PLRG1: variants seen among roughly 807,000 people sequenced by gnomAD.
PLRG1 encodes pleiotropic regulator 1 (PRL1 homolog, Arabidopsis).
Under a neutral mutation model 74.9 loss-of-function variants are expected in PLRG1, and 28 were observed. The observed-to-expected ratio is 0.37, with a 90% confidence interval of 0.28 to 0.51. The LOEUF (loss-of-function observed/expected upper bound fraction) is 0.51. Among genes scored for constraint, PLRG1 ranks in the 20% least tolerant of loss-of-function variants. The pLI is 0.91. For synonymous variants in PLRG1, 197 were observed against 212.4 expected (o/e 0.93, Z 0.63); for missense variants, 445 against 631.9 (o/e 0.70, Z 3.17).
chr4:154,540,770 T>A lies in PLRG1; in HGVS notation c.837+15A>T. On this transcript the variant is annotated intron_variant, in intron 9 of 14. Transcript: ENST00000499023. ...AGTAGTTCACAATGTTTTAAATCCT[T>A]AACTCCAAACTTACCTTATTGTATT... 2 of 1,612,494 alleles carry A rather than the reference T, an allele frequency of 1.2e-6. No individual in the cohort carries two copies. The highest frequency in any genetic ancestry group is 1.7e-6 in the Non-Finnish European group (2 of 1,178,882).
rs1729436193 is a variant in PLRG1, at chr4:154,535,805, A to T, written c.*880T>A. The stretch of plus-strand genomic sequence containing the variant: ...ACTGGTATCTCCAGTTATTTTCCCC[A>T]AGTTTCAATACCAGTATTGGTATCC... On this transcript the variant is annotated 3_prime_UTR_variant, in exon 15 of 15. Transcript: ENST00000499023. 6.6e-6 allele frequency: 1 copy of T among 152,082 alleles called. No individual in the cohort carries two copies. Among genetic ancestry groups the T allele is most frequent in the Non-Finnish European group, 1.5e-5 (1 of 67,990 alleles). The allele number at this position is 152,082 out of a possible 1,614,324, so 9.4% of individuals were successfully genotyped here.
rs764248984 is a variant in PLRG1 at position 154,546,119 on chromosome 4, A to G, written c.404+4T>C. ...AAGATCTTTGTAATTATAATATTTC[A>G]TACTTGGTCTGCAAAGGTAATGCCA... is the stretch of plus-strand genomic sequence containing the variant. On this transcript the variant is annotated splice_donor_region_variant and intron_variant, in intron 5 of 14. Transcript: ENST00000499023. 2 of 1,514,534 alleles carry G rather than the reference A, an allele frequency of 1.3e-6. No individual in the cohort carries two copies. The highest frequency in any genetic ancestry group is 1.8e-6 in the Non-Finnish European group (2 of 1,095,582). The allele number at this position is 1,514,534 out of a possible 1,614,324, so 93.8% of individuals were successfully genotyped here.
intron 8 of PLRG1, 105 bp downstream of exon 8, chr4:154,542,082 T>C: frequency 1.4e-6 from 1 of 711,888 alleles, no homozygotes; most frequent in Non-Finnish European, 2.5e-6. Context: ...AGGTCTAAAA[T>C]AACAGAGGAA....
chr4:154,545,086 T>C (rs1729626202), intron 6 of PLRG1, among the ~76,000 whole-genome samples: 1 of 152,176 alleles, frequency 6.6e-6, no homozygotes, highest in African/African-American at 2.4e-5. Flanking sequence ...TTGTTAGCAG[T>C]CATCTAGTCA....
rs1412133645 is a variant in PLRG1 at position 154,535,010 on chromosome 4, T to TAG, written c.*1674_*1675insCT. ...ATCTCTCAGGAATGCAAGTGTAGTG[T>TAG]TCTTTTTTCTTTATTTAAGTTTACG... On this transcript the variant is annotated 3_prime_UTR_variant, in exon 15 of 15. Transcript: ENST00000499023. 1 of 152,094 alleles carries TAG rather than the reference T, an allele frequency of 6.6e-6. No homozygotes were observed. Among genetic ancestry groups the TAG allele is most frequent in the Non-Finnish European group, 1.5e-5 (1 of 68,010 alleles). The allele number at this position is 152,094 out of a possible 1,614,324, so 9.4% of individuals were successfully genotyped here.
At chr4:154,541,437 T>A (rs1461338063) in intron 8 of PLRG1, among the ~76,000 whole-genome samples, 1 of 152,204 alleles carries the variant, frequency 6.6e-6, no homozygotes, top group African/African-American at 2.4e-5. Flanking sequence ...GAAAGTAATT[T>A]GTACTTTGGG....
intron 7 of PLRG1, among the ~76,000 whole-genome samples, chr4:154,542,961 C>G (rs1280007254): frequency 6.6e-6 from 1 of 152,108 alleles, no homozygotes; most frequent in Non-Finnish European, 1.5e-5. Context: ...TTTGGTAGCA[C>G]TAGTTTGGTT....
At chr4:154,538,212 T>C in intron 12 of PLRG1, 104 bp from the exon 13 acceptor site, 1 of 497,298 alleles carries the variant, frequency 2.0e-6, no homozygotes, top group Non-Finnish European at 3.6e-6. Context: ...GTGTACTCAA[T>C]GATTTATATA....
At chr4:154,546,357 T>C in intron 4 of PLRG1, 144 bp from the exon 5 acceptor site, 1 of 605,836 alleles carries the variant, frequency 1.7e-6, no homozygotes, top group Non-Finnish European at 3.0e-6. Context: ...TAAGTTTTGC[T>C]CATCTTTGTT....
chr4:154,548,947 G>T lies in PLRG1; in HGVS notation c.10-12C>A. 7.2e-7 allele frequency: 1 copy of T among 1,395,948 alleles called. No individual in the cohort carries two copies. Among genetic ancestry groups the T allele is most frequent in the Non-Finnish European group, 1.0e-6 (1 of 982,288 alleles). 86.5% of individuals were successfully genotyped at this position (1,395,948 alleles called of 1,614,324 possible). On this transcript the variant is annotated splice_polypyrimidine_tract_variant and intron_variant, in intron 1 of 14. Transcript: ENST00000499023. ...TGTTTCTGTACCTCCTAAAAAAAAA[G>T]AATGTAATTACACACCTATCTACAA...
Position 154,540,591 on chromosome 4 carries a change from T to C in PLRG1, c.939+3A>G. 1 of 1,593,254 alleles carries C rather than the reference T, an allele frequency of 6.3e-7. No individual in the cohort carries two copies. Among genetic ancestry groups the C allele is most frequent in the Non-Finnish European group, 8.6e-7 (1 of 1,161,080 alleles). On this transcript the variant is annotated splice_donor_region_variant and intron_variant, in intron 10 of 14. Coordinates refer to ENST00000499023, the MANE Select transcript of PLRG1 (RefSeq NM_002669.4). ...GATAAATACACAACTCTATCCCATT[T>C]ACCCGTGCAGTTGAATCTCGACTAC... is the stretch of plus-strand genomic sequence containing the variant.
chr4:154,538,022 T>G lies in PLRG1; in HGVS notation c.1238A>C (p.Asn413Thr), dbSNP rs757411028. The change falls in exon 13 of 15, where the codon AAT (asparagine) becomes ACT (threonine). Residue 413 changes from asparagine to threonine, a missense_variant. By Grantham distance (65) the Asn-to-Thr change is moderately conservative. This residue lies in a region of PLRG1 where 221 missense variants were observed against 377.7 expected (regional missense o/e 0.59). Transcript: ENST00000499023. Reference sequence around the variant, plus strand: ...TACCGTCAATGTGTTAATAATAGCATTATGACCGGAAAGATTTTGAATGAA... The same window carrying G: ...TACCGTCAATGTGTTAATAATAGCAGTATGACCGGAAAGATTTTGAATGAA... ...GSFIQNLSGHNAIINTLTVNS... is the reference protein window; with the variant it reads ...GSFIQNLSGHTAIINTLTVNS... 120 of 1,560,690 alleles carry G rather than the reference T, an allele frequency of 7.7e-5. No individual in the cohort carries two copies. In the East Asian group the frequency reaches 2.7e-3, roughly 35 times the overall value.
At chr4:154,548,325 T>C (rs1729695946) in intron 2 of PLRG1, among the ~76,000 whole-genome samples, 1 of 152,226 alleles carries the variant, frequency 6.6e-6, no homozygotes, top group African/African-American at 2.4e-5. Context: ...GTCTACTTTA[T>C]AAATTAAATA....
chr4:154,536,759 G>C lies in PLRG1; in HGVS notation c.1486-15C>G. 2 of 1,409,794 alleles carry C rather than the reference G, an allele frequency of 1.4e-6. No homozygotes were observed. The allele number at this position is 1,409,794 out of a possible 1,614,324, so 87.3% of individuals were successfully genotyped here. A position where few individuals can be genotyped will look rare whatever the true frequency, so the allele number is the denominator to read the frequency against. On this transcript the variant is annotated splice_polypyrimidine_tract_variant and intron_variant, in intron 14 of 14. Coordinates refer to ENST00000499023, the MANE Select transcript of PLRG1 (RefSeq NM_002669.4). Reference sequence around the variant, plus strand: ...GTTTCTTCTGTCTAAAAATAGAAAAGTGAGTTAAAATAAAGTATTATTAGT... The same window carrying C: ...GTTTCTTCTGTCTAAAAATAGAAAACTGAGTTAAAATAAAGTATTATTAGT...
At position 154,535,337 on chromosome 4, in the gene PLRG1, G is replaced by A. The variant is rs951002822; in HGVS notation, c.*1348C>T. ...GACAGGGCATTTGGGCTAGTTTTAA[G>A]TATTAAAGAACAAAGGTGCAATGAC... On this transcript the variant is annotated 3_prime_UTR_variant, in exon 15 of 15. Coordinates refer to ENST00000499023, the MANE Select transcript of PLRG1 (RefSeq NM_002669.4). The A allele has an allele frequency of 6.6e-6, 1 of 151,762 alleles. No individual in the cohort carries two copies. Among genetic ancestry groups the A allele is most frequent in the African/African-American group, 2.4e-5 (1 of 41,276 alleles). The allele number at this position is 151,762 out of a possible 1,614,324, so 9.4% of individuals were successfully genotyped here.
Position 154,535,769 on chromosome 4 carries a change from T to G in PLRG1, c.*916A>C, listed in dbSNP as rs1310648076. 1 of 152,088 alleles carries G rather than the reference T, an allele frequency of 6.6e-6. No homozygotes were observed. 9.4% of individuals were successfully genotyped at this position (152,088 alleles called of 1,614,324 possible). A position where few individuals can be genotyped will look rare whatever the true frequency, so the allele number is the denominator to read the frequency against. On this transcript the variant is annotated 3_prime_UTR_variant, in exon 15 of 15. Coordinates refer to ENST00000499023, the MANE Select transcript of PLRG1 (RefSeq NM_002669.4). The stretch of plus-strand genomic sequence containing the variant: ...AAGATTGCAGCCCTTGCTACAGCTT[T>G]AAATAGCTGCACTGGTATCTCCAGT...
At chr4:154,543,346 G>A (rs1002606104) in intron 7 of PLRG1, among the ~76,000 whole-genome samples, 1 of 151,556 alleles carries the variant, frequency 6.6e-6, no homozygotes, top group African/African-American at 2.4e-5. Flanking sequence ...GCGGGGTTTT[G>A]TTGTGTTGCC....
chr4:154,539,248 G>T, intron 11 of PLRG1, 35 bp from the exon 12 acceptor site: 1 of 1,193,188 alleles, frequency 8.4e-7, no homozygotes, highest in Non-Finnish European at 1.3e-6. Flanking sequence ...TCAAAACATA[G>T]ACCAGGAAAA....
Position 154,547,748 on chromosome 4 carries a change from C to T in PLRG1, c.222G>A (p.Thr74=), listed in dbSNP as rs780782912. Residue 74 remains threonine (T), a synonymous_variant, in exon 3 of 15, where the codon ACG becomes ACA. Coordinates refer to ENST00000499023, the MANE Select transcript of PLRG1 (RefSeq NM_002669.4). The part of the protein sequence containing the change: ...NLKEKGPQNA[T]DSYVHKQYPA... ...GGTACTGTTTATGAACATATGAATC[C>T]GTTGCATTCTGAGGACCCTTCTCTT... 2.1e-5 allele frequency: 34 copies of T among 1,612,978 alleles called. No homozygotes were observed. The South Asian group carries it at 2.2e-4, about 10-fold the overall frequency.
Sources: gnomAD v4.1 joint callset for allele counts (sites outside exome capture counted in the v4.1 genomes callset) on GRCh38, gnomAD v4.1.1 for gene constraint, gnomAD v4.1.1 regional missense constraint, MANE v1.5 for transcripts, NCBI Gene and HGNC (gene_info 2026-07-23, HGNC 2026-07-21) for gene names.